PRRX1: variants seen among roughly 807,000 people sequenced by gnomAD.
PRRX1 encodes paired mesoderm homeobox protein 1.
PRRX1 carries 8 observed loss-of-function variants against 24.0 expected under a neutral mutation model. That is an observed-to-expected ratio of 0.33 (90% confidence interval 0.20 to 0.60). The LOEUF is 0.60. PRRX1 is among the 20% of genes least tolerant of loss of function. The pLI is 0.82. For synonymous variants in PRRX1, 160 were observed against 131.7 expected (o/e 1.22, Z -1.47); for missense variants, 281 against 322.4 (o/e 0.87, Z 0.98).
At chr1:170,679,277 A>G (rs549987776) in intron 1 of PRRX1, among the ~76,000 whole-genome samples, 1 of 152,260 alleles carries the variant, frequency 6.6e-6, no homozygotes, top group Admixed American at 6.5e-5. Context: ...GAAAGAGCAC[A>G]CATATAGCAC....
chr1:170,726,396 G>C lies in PRRX1; in HGVS notation c.594G>C (p.Pro198=). The C allele has an allele frequency of 6.2e-7, 1 of 1,613,804 alleles. No homozygotes were observed. The change falls in exon 3 of 4, where the codon CCG becomes CCC. Residue 198 remains proline (P), a synonymous_variant. Transcript: ENST00000239461. ...TDYLSWGTAS[P]YSAMATYSAT... ...ATCTCTCCTGGGGGACAGCGTCTCC[G>C]TACAGGTGAATGACTGGCCCACTCT...
chr1:170,667,648 A>T (rs1188489209), intron 1 of PRRX1: 1 of 150,966 alleles, frequency 6.6e-6, no homozygotes, highest in Non-Finnish European at 1.5e-5. Context: ...GCTAGAGCAG[A>T]CTCTCCCCCA....
At chr1:170,682,707 A>G (rs1480124761) in intron 1 of PRRX1, among the ~76,000 whole-genome samples, 1 of 152,206 alleles carries the variant, frequency 6.6e-6, no homozygotes, top group Non-Finnish European at 1.5e-5. Flanking sequence ...AATAAAATAA[A>G]CACGTTGCTT....
At position 170,736,371 on chromosome 1, in the gene PRRX1, A is replaced by C. The variant is rs545771304; in HGVS notation, c.*185A>C. ...AGGAGCAAAATGAAAATTAGTTAAC[A>C]AATGTTCCTCCTCCCTCTGGGATAC... On this transcript the variant is annotated 3_prime_UTR_variant, in exon 4 of 4. Coordinates refer to ENST00000239461, the MANE Select transcript of PRRX1 (RefSeq NM_022716.4). 6.2e-4 allele frequency: 466 copies of C among 751,908 alleles called. No individual in the cohort carries two copies. The highest frequency in any genetic ancestry group is 8.7e-4 in the Non-Finnish European group (407 of 467,664). 46.6% of individuals were successfully genotyped at this position (751,908 alleles called of 1,614,324 possible).
At chr1:170,673,368 G>A (rs591715) in intron 1 of PRRX1, among the ~76,000 whole-genome samples, 30,241 of 152,056 alleles carry the variant, frequency 0.2, 3,211 homozygotes, top group South Asian at 0.39. Flanking sequence ...TGGGACAGTT[G>A]CTAAATTGTT....
At chr1:170,710,115 A>G (rs1654698478) in intron 1 of PRRX1, among the ~76,000 whole-genome samples, 1 of 152,206 alleles carries the variant, frequency 6.6e-6, no homozygotes, top group Non-Finnish European at 1.5e-5. Context: ...CAATCATTGA[A>G]GCTTTCCTCA....
intron 1 of PRRX1, among the ~76,000 whole-genome samples, chr1:170,696,041 A>G (rs1654155548): frequency 6.6e-6 from 1 of 152,208 alleles, no homozygotes; most frequent in Non-Finnish European, 1.5e-5. Flanking sequence ...TTAGCAGTAG[A>G]CATGTCCAAA....
At chr1:170,702,911 T>C (rs1195299499) in intron 1 of PRRX1, among the ~76,000 whole-genome samples, 1 of 152,346 alleles carries the variant, frequency 6.6e-6, no homozygotes, top group South Asian at 2.1e-4. Context: ...GCTTCGTGCA[T>C]AATTAGATTA....
intron 2 of PRRX1, among the ~76,000 whole-genome samples, chr1:170,723,712 T>C (rs1484641297): frequency 3.3e-5 from 5 of 152,238 alleles, no homozygotes; most frequent in Admixed American, 2.6e-4. Context: ...AATTTTGTCA[T>C]TGTGCAAACA....
chr1:170,702,367 T>A (rs1486620596), intron 1 of PRRX1, among the ~76,000 whole-genome samples: 1 of 152,100 alleles, frequency 6.6e-6, no homozygotes, highest in Non-Finnish European at 1.5e-5. Context: ...TTAACCAACC[T>A]CTCCCTGTCC....
rs916010028 is a variant in PRRX1 at position 170,736,797 on chromosome 1, A to C, written c.*611A>C. ...CTCTGAAAAAATAGTTGTGCACAAC[A>C]TCTGCTCACTGGACTGTCTGATCCA... is the stretch of plus-strand genomic sequence containing the variant. On this transcript the variant is annotated 3_prime_UTR_variant, in exon 4 of 4. Coordinates refer to ENST00000239461, the MANE Select transcript of PRRX1 (RefSeq NM_022716.4). The C allele has an allele frequency of 1.0e-5, 2 of 191,890 alleles. No homozygotes were observed. The highest frequency in any genetic ancestry group is 4.7e-5 in the African/African-American group (2 of 42,878). The allele number at this position is 191,890 out of a possible 1,614,324, so 11.9% of individuals were successfully genotyped here. A position where few individuals can be genotyped will look rare whatever the true frequency, so the allele number is the denominator to read the frequency against.
intron 1 of PRRX1, among the ~76,000 whole-genome samples, chr1:170,673,186 T>G (rs949313606): frequency 6.6e-6 from 1 of 152,214 alleles, no homozygotes; most frequent in Non-Finnish European, 1.5e-5. Flanking sequence ...AATTTGAAAG[T>G]TCCCATTGAA....
At chr1:170,709,665 A>G (rs1654682574) in intron 1 of PRRX1, among the ~76,000 whole-genome samples, 1 of 152,182 alleles carries the variant, frequency 6.6e-6, no homozygotes, top group Admixed American at 6.6e-5. Flanking sequence ...CTTGAAGTGC[A>G]GACAACATAC....
chr1:170,716,377 G>A, intron 1 of PRRX1, among the ~76,000 whole-genome samples: 1 of 152,160 alleles, frequency 6.6e-6, no homozygotes, highest in East Asian at 1.9e-4. Flanking sequence ...GAGGTCAGGA[G>A]ATCGAGACCA....
At chr1:170,685,643 G>A (rs1258521961) in intron 1 of PRRX1, among the ~76,000 whole-genome samples, 1 of 140,594 alleles carries the variant, frequency 7.1e-6, no homozygotes, top group Non-Finnish European at 1.6e-5. Context: ...GGTAATGCCT[G>A]CTTGATTTCT....
intron 1 of PRRX1, among the ~76,000 whole-genome samples, chr1:170,718,864 C>T (rs736022): frequency 0.21 from 32,674 of 152,112 alleles, 4,397 homozygotes; most frequent in Middle Eastern, 0.35. Context: ...CTATGGACAA[C>T]CTGGACAATT....
chr1:170,724,880 AT>A (rs1655204533), intron 2 of PRRX1, among the ~76,000 whole-genome samples: 1 of 152,156 alleles, frequency 6.6e-6, no homozygotes, highest in Admixed American at 6.5e-5. Flanking sequence ...ATGTATAGCC[AT>A]TTTTGTGATA....
chr1:170,686,205 A>G (rs1305097862), intron 1 of PRRX1, among the ~76,000 whole-genome samples: 1 of 149,162 alleles, frequency 6.7e-6, no homozygotes, highest in Admixed American at 6.7e-5. Flanking sequence ...ACAAGTTGCT[A>G]TTTACGTTTC....
chr1:170,708,607 C>A (rs1286717312), intron 1 of PRRX1, among the ~76,000 whole-genome samples: 1 of 152,112 alleles, frequency 6.6e-6, no homozygotes, highest in Non-Finnish European at 1.5e-5. Context: ...CAGGTCAAGC[C>A]TTTTGAGACT....
Sources: gnomAD v4.1 joint callset for allele counts (sites outside exome capture counted in the v4.1 genomes callset) on GRCh38, gnomAD v4.1.1 for gene constraint, MANE v1.5 for transcripts, NCBI Gene and HGNC (gene_info 2026-07-23, HGNC 2026-07-21) for gene names.